TMEM117: variants seen among roughly 807,000 people sequenced by gnomAD.
The protein encoded by TMEM117 is transmembrane protein 117.
A neutral mutation model predicts 52.4 loss-of-function variants in TMEM117; 27 were observed. That is an observed-to-expected ratio of 0.51 (90% CI 0.38 to 0.71). The LOEUF (loss-of-function observed/expected upper bound fraction) is 0.71. Ranked by LOEUF, TMEM117 falls within the 30% of genes least tolerant of loss-of-function variation. TMEM117 has a pLI of 0.00. For missense variants in TMEM117, 556 were observed against 630.5 expected, an observed-to-expected ratio of 0.88 and a Z score of 1.26; for synonymous variants, 215 against 206.3, an observed-to-expected ratio of 1.04 and a Z score of -0.36.
At chr12:44,158,458 G>A (rs745606786) in intron 4 of TMEM117, among the ~76,000 whole-genome samples, 17 of 152,274 alleles carry the variant, frequency 1.1e-4, no homozygotes, top group Admixed American at 2.6e-4. Flanking sequence ...ACATAAAGGC[G>A]AGATAGTGTC....
the TMEM117 span, among the ~76,000 whole-genome samples, chr12:43,808,541 A>G: frequency 1.3e-5 from 2 of 152,144 alleles, no homozygotes; most frequent in Non-Finnish European, 1.5e-5. Context: ...AGAACCTAAG[A>G]TGGTGGTCAC....
Position 44,097,754 on chromosome 12 carries a change from T to C in TMEM117, c.411-45771T>C, listed in dbSNP as rs1017023125. 3.5e-5 allele frequency among the ~76,000 whole-genome samples: 4 copies of C among 115,544 alleles called. 1 individual carries two copies. The highest frequency in any genetic ancestry group is 2.3e-4 in the African/African-American group (4 of 17,040). 75.8% of individuals were successfully genotyped at this position (115,544 alleles called of 152,430 possible). On this transcript the variant is annotated intron_variant, in intron 3 of 7. Transcript: ENST00000266534. ...GGGGGAGGGATAGCATTAGGAGATA[T>C]ACCTAAATGACGAGTTAATGGGTGC... is the stretch of plus-strand genomic sequence containing the variant.
At chr12:43,814,063 A>T in the TMEM117 span, among the ~76,000 whole-genome samples, 1 of 152,100 alleles carries the variant, frequency 6.6e-6, no homozygotes, top group East Asian at 1.9e-4. Context: ...AAGGACACAG[A>T]CCTTTCTGTT....
chr12:44,057,656 A>AG (rs1350362216), intron 3 of TMEM117, among the ~76,000 whole-genome samples: 5 of 151,432 alleles, frequency 3.3e-5, no homozygotes, highest in Non-Finnish European at 5.9e-5. Flanking sequence ...AAAAAAAAAA[A>AG]GAATATGTCA....
intron 2 of TMEM117, among the ~76,000 whole-genome samples, chr12:43,876,944 C>T (rs538968838): frequency 6.6e-6 from 1 of 152,110 alleles, no homozygotes; most frequent in South Asian, 2.1e-4. Flanking sequence ...TTTTAAACAT[C>T]TTACTGTGTC....
chr12:43,993,425 C>A (rs1945975971), intron 3 of TMEM117, among the ~76,000 whole-genome samples: 3 of 152,266 alleles, frequency 2.0e-5, no homozygotes, highest in South Asian at 4.1e-4. Context: ...TTCAAGGGAT[C>A]CTTAACTCTT....
intron 5 of TMEM117, among the ~76,000 whole-genome samples, chr12:44,259,083 T>A (rs1249127126): frequency 2.0e-5 from 3 of 152,204 alleles, no homozygotes; most frequent in Non-Finnish European, 4.4e-5. Flanking sequence ...CTTTTCATAT[T>A]AGTGTTCTGT....
chr12:44,201,892 T>C (rs919550535), intron 4 of TMEM117, among the ~76,000 whole-genome samples: 3 of 152,060 alleles, frequency 2.0e-5, no homozygotes, highest in Admixed American at 1.3e-4. Flanking sequence ...TTAAATATAG[T>C]GTAAGAAAGT....
chr12:44,198,329 A>G (rs1235337666), intron 4 of TMEM117, among the ~76,000 whole-genome samples: 1 of 152,220 alleles, frequency 6.6e-6, no homozygotes, highest in Non-Finnish European at 1.5e-5. Context: ...TTTCCATCTC[A>G]GAGTAATTTA....
At chr12:43,984,917 A>G (rs1273373588) in intron 3 of TMEM117, among the ~76,000 whole-genome samples, 1 of 152,220 alleles carries the variant, frequency 6.6e-6, no homozygotes, top group Non-Finnish European at 1.5e-5. Flanking sequence ...TTTTAAAGAA[A>G]TATCAATGAA....
intron 3 of TMEM117, among the ~76,000 whole-genome samples, chr12:44,115,229 T>A (rs991848741): frequency 2.4e-4 from 37 of 152,262 alleles, no homozygotes; most frequent in African/African-American, 7.9e-4. Flanking sequence ...GAGGATGAGT[T>A]AAAACCCTCA....
chr12:43,959,452 C>T lies in TMEM117; in HGVS notation c.410+15110C>T, dbSNP rs79242691. Among the ~76,000 whole-genome samples the T allele has an allele frequency of 6.6e-3, 1,007 of 152,264 alleles. 63 individuals carry two copies. In the East Asian group the frequency reaches 0.16, roughly 24 times the overall value. ...AATCAGGGTGAACTTTTACTTTAAGCAGTAGTTTATTTTTAATTAAATTTT... is the reference window on the plus strand; with the variant it reads ...AATCAGGGTGAACTTTTACTTTAAGTAGTAGTTTATTTTTAATTAAATTTT... On this transcript the variant is annotated intron_variant, in intron 3 of 7. Transcript: ENST00000266534.
intron 4 of TMEM117, among the ~76,000 whole-genome samples, chr12:44,179,164 G>A (rs56339470): frequency 0.1 from 15,744 of 152,042 alleles, 919 homozygotes; most frequent in Middle Eastern, 0.2. Context: ...CTGTCCTCCA[G>A]CCTGGGCAAC....
At chr12:43,888,543 C>CTT (rs147186370) in intron 2 of TMEM117, among the ~76,000 whole-genome samples, 219 of 92,150 alleles carry the variant, frequency 2.4e-3, no homozygotes, top group African/African-American at 5.3e-3. Context: ...CATTAGTTTT[C>CTT]TTTTTTTTTT....
chr12:44,355,368 G>A (rs1398837847), intron 6 of TMEM117, among the ~76,000 whole-genome samples: 2 of 151,966 alleles, frequency 1.3e-5, no homozygotes, highest in East Asian at 1.9e-4. Context: ...CCTATTTGGA[G>A]GTTACATAGT....
chr12:43,895,454 A>T (rs1255420109), intron 2 of TMEM117, among the ~76,000 whole-genome samples: 1 of 152,196 alleles, frequency 6.6e-6, no homozygotes, highest in East Asian at 1.9e-4. Flanking sequence ...TGCAGCAATG[A>T]ACATATGCGT....
At chr12:44,105,769 C>G (rs950664410) in intron 3 of TMEM117, among the ~76,000 whole-genome samples, 1 of 151,956 alleles carries the variant, frequency 6.6e-6, no homozygotes, top group African/African-American at 2.4e-5. Flanking sequence ...AGGCTCTGAT[C>G]AAATCCCAAT....
rs1250895218 is a variant in TMEM117 at position 44,219,516 on chromosome 12, ACAT to A, written c.608+8130_608+8132del. ...GTATATAGTTCAATTTGCCAGTAAAACATGATGTATTACCAGAAACTTCACTTA... is the reference window on the plus strand; with the variant it reads ...GTATATAGTTCAATTTGCCAGTAAAAGATGTATTACCAGAAACTTCACTTA... On this transcript the variant is annotated intron_variant, in intron 5 of 7. Coordinates refer to ENST00000266534, the MANE Select transcript of TMEM117 (RefSeq NM_032256.3). Among the ~76,000 whole-genome samples the A allele has an allele frequency of 2.6e-5, 4 of 152,190 alleles. No individual in the cohort carries two copies. The East Asian group carries it at 7.7e-4, about 29-fold the overall frequency.
intron 4 of TMEM117, among the ~76,000 whole-genome samples, chr12:44,187,056 A>G (rs1949287526): frequency 1.3e-5 from 2 of 152,174 alleles, no homozygotes; most frequent in Non-Finnish European, 2.9e-5. Flanking sequence ...ATATTTAGCC[A>G]TCCTTACTTA....
Sources: gnomAD v4.1 joint callset for allele counts (sites outside exome capture counted in the v4.1 genomes callset) on GRCh38, gnomAD v4.1.1 for gene constraint, MANE v1.5 for transcripts, NCBI Gene and HGNC (gene_info 2026-07-23, HGNC 2026-07-21) for gene names.